VAV2: variants seen among roughly 807,000 people sequenced by gnomAD.
VAV2 encodes guanine nucleotide exchange factor VAV2.
VAV2 carries 67 observed loss-of-function variants against 132.5 expected under a neutral mutation model. The observed-to-expected ratio is 0.51, with a 90% confidence interval of 0.42 to 0.62. The LOEUF is 0.62. Ranked by LOEUF, VAV2 falls within the 20% of genes least tolerant of loss-of-function variation. The probability of loss-of-function intolerance (pLI) is 0.00; values close to 1 mark genes in which losing one functional copy is unlikely to be tolerated. For synonymous variants in VAV2, 492 were observed against 443.5 expected, an observed-to-expected ratio of 1.11 and a Z score of -1.37; for missense variants, 938 against 1,153.6, an observed-to-expected ratio of 0.81 and a Z score of 2.71.
At position 133,768,275 on chromosome 9, in the gene VAV2, C is replaced by A. The variant is rs144036868; in HGVS notation, c.2589+167G>T. ...AAACATCTGGAGCCTCGGTTTCCCC[C>A]TGTGAATGCCAACCTTCTGGGCTGC... On this transcript the variant is annotated intron_variant, in intron 29 of 29. Coordinates refer to ENST00000371850, the MANE Select transcript of VAV2 (RefSeq NM_001134398.2). This position sits in a 1 kb window ranked among gnomAD's most constrained non-coding sequence, Gnocchi z 5.3. Among the ~76,000 whole-genome samples the A allele has an allele frequency of 1.2e-3, 185 of 152,258 alleles. No homozygotes were observed. Among genetic ancestry groups the A allele is most frequent in the African/African-American group, 3.8e-3 (158 of 41,546 alleles).
At position 133,904,973 on chromosome 9, in the gene VAV2, G is replaced by A. The variant is rs1054147628; in HGVS notation, c.321+34130C>T. Among the ~76,000 whole-genome samples, 15 of 152,348 alleles carry A rather than the reference G, an allele frequency of 9.8e-5. No individual in the cohort carries two copies. In the East Asian group the frequency reaches 1.9e-3, roughly 20 times the overall value. On this transcript the variant is annotated intron_variant, in intron 2 of 29. Coordinates refer to ENST00000371850, the MANE Select transcript of VAV2 (RefSeq NM_001134398.2). ...CTGGCAGGGAGGGGATGCAGGGAGCGCTTGGGACACTGGTGAAGGGAGAGG... is the reference window on the plus strand; with the variant it reads ...CTGGCAGGGAGGGGATGCAGGGAGCACTTGGGACACTGGTGAAGGGAGAGG...
In VAV2 at chr9:133,791,925, G is replaced by T. The variant is rs1588179558; in HGVS notation, c.1102-56C>A. On this transcript the variant is annotated intron_variant, in intron 12 of 29. Transcript: ENST00000371850. The stretch of plus-strand genomic sequence containing the variant: ...TGTGCTGGGTGGGGTGTGTGTGACT[G>T]TGTGTGTAAGCAGGCTGTACTGGGT... 13 of 1,398,498 alleles carry T rather than the reference G, an allele frequency of 9.3e-6. 1 individual carries two copies. The East Asian group carries it at 2.8e-4, about 30-fold the overall frequency. The allele number at this position is 1,398,498 out of a possible 1,614,324, so 86.6% of individuals were successfully genotyped here.
intron 9 of VAV2, among the ~76,000 whole-genome samples, chr9:133,803,713 C>A (rs1307664338): frequency 6.6e-6 from 1 of 152,226 alleles, no homozygotes; most frequent in Admixed American, 6.5e-5. Flanking sequence ...GAATGCTACT[C>A]CACCCTTCAC....
At chr9:133,764,848 T>C (rs1564322557) in intron 29 of VAV2, among the ~76,000 whole-genome samples, 1 of 152,206 alleles carries the variant, frequency 6.6e-6, no homozygotes, top group Admixed American at 6.5e-5. Flanking sequence ...AGTCTGCAGA[T>C]ACTATGCTGG....
At chr9:133,851,668 A>G (rs1260982727) in intron 3 of VAV2, among the ~76,000 whole-genome samples, 1 of 95,900 alleles carries the variant, frequency 1.0e-5, no homozygotes, top group African/African-American at 7.7e-5. Flanking sequence ...AGAAGGGTGG[A>G]TGGATGGATG....
At chr9:133,825,549 A>C (rs974206122) in intron 4 of VAV2, among the ~76,000 whole-genome samples, 1 of 152,104 alleles carries the variant, frequency 6.6e-6, no homozygotes, top group Non-Finnish European at 1.5e-5. Context: ...AGCCTCTCCC[A>C]GCTCAACTCG....
chr9:133,837,762 T>C (rs756304320), intron 3 of VAV2, among the ~76,000 whole-genome samples: 20 of 151,574 alleles, frequency 1.3e-4, no homozygotes, highest in Non-Finnish European at 2.4e-4. Context: ...GCTATGATTG[T>C]CGTAATTTTC....
intron 1 of VAV2, among the ~76,000 whole-genome samples, chr9:133,941,094 G>C (rs1401573401): frequency 6.6e-6 from 1 of 152,050 alleles, no homozygotes; most frequent in African/African-American, 2.4e-5. Flanking sequence ...CTAGACACCT[G>C]TGCCCACCAA....
intron 2 of VAV2, among the ~76,000 whole-genome samples, chr9:133,887,061 GGTT>G (rs1382447908): frequency 6.6e-6 from 1 of 152,154 alleles, no homozygotes; most frequent in Non-Finnish European, 1.5e-5. Context: ...TTCCCAGAGG[GGTT>G]CCCTGGGGCT....
intron 3 of VAV2, among the ~76,000 whole-genome samples, chr9:133,838,152 C>A (rs1196940192): frequency 6.6e-6 from 1 of 152,074 alleles, no homozygotes; most frequent in East Asian, 1.9e-4. Context: ...GCCCTCCATG[C>A]CCATGCTACC....
At chr9:133,843,986 G>A (rs2131818346) in intron 3 of VAV2, among the ~76,000 whole-genome samples, 1 of 152,306 alleles carries the variant, frequency 6.6e-6, no homozygotes, top group South Asian at 2.1e-4. Flanking sequence ...AAGGCCACCA[G>A]GGGAGATGGT....
intron 2 of VAV2, among the ~76,000 whole-genome samples, chr9:133,906,090 AG>A (rs1839641812): frequency 6.6e-6 from 1 of 152,166 alleles, no homozygotes; most frequent in Admixed American, 6.5e-5. Flanking sequence ...CCTGACCCTT[AG>A]ACCTTCCAGA....
At chr9:133,984,282 T>C (rs1842786471) in intron 1 of VAV2, among the ~76,000 whole-genome samples, 1 of 111,262 alleles carries the variant, frequency 9.0e-6, no homozygotes, top group African/African-American at 3.6e-5. Flanking sequence ...TCTGTCTCTG[T>C]GTTTTGTGTG....
intron 2 of VAV2, among the ~76,000 whole-genome samples, chr9:133,889,120 T>C (rs1164341097): frequency 6.6e-6 from 1 of 152,144 alleles, no homozygotes; most frequent in Non-Finnish European, 1.5e-5. Context: ...TGCTGCCTGC[T>C]CTTCCGCCCT....
At chr9:133,839,133 T>C (rs898592827) in intron 3 of VAV2, among the ~76,000 whole-genome samples, 1 of 148,720 alleles carries the variant, frequency 6.7e-6, no homozygotes, top group Non-Finnish European at 1.5e-5. Flanking sequence ...GATGGGTAAA[T>C]GGCTGGGTTG....
rs1428639992 is a variant in VAV2, at chr9:133,770,414, C to T, written c.2311G>A (p.Glu771Lys). Residue 771 changes from glutamate (E) to lysine (K), a missense_variant, in exon 27 of 30, where the codon GAA becomes AAA. Coordinates refer to ENST00000371850, the MANE Select transcript of VAV2 (RefSeq NM_001134398.2). Reference protein sequence around the residue: ...TTLKYPYKSRERSASRASSRS... With the variant: ...TTLKYPYKSRKRSASRASSRS... The stretch of plus-strand genomic sequence containing the variant: ...CTGGAGGCCCTGGAGGCCGAACGTT[C>T]CCGGGACTTGTAGGGGTACTTGAGT... The T allele has an allele frequency of 6.2e-7, 1 of 1,614,144 alleles. No individual in the cohort carries two copies.
chr9:133,775,889 G>A, intron 24 of VAV2, 139 bp downstream of exon 24: 1 of 1,175,266 alleles, frequency 8.5e-7, no homozygotes, highest in Middle Eastern at 2.9e-4. Flanking sequence ...ACTGGGCTCA[G>A]TGCCCTGGAG....
intron 1 of VAV2, among the ~76,000 whole-genome samples, chr9:133,945,023 C>CTG (rs1564488414): frequency 6.6e-6 from 1 of 152,212 alleles, no homozygotes; most frequent in Non-Finnish European, 1.5e-5. Flanking sequence ...AGGCCAGGCA[C>CTG]TGGGCTAAGA....
intron 20 of VAV2, 142 bp from the exon 21 acceptor site, chr9:133,780,081 CTG>C: frequency 8.6e-7 from 1 of 1,160,076 alleles, no homozygotes. Flanking sequence ...GAGAGGGACA[CTG>C]TTCCCTATGG....
Sources: gnomAD v4.1 joint callset for allele counts (sites outside exome capture counted in the v4.1 genomes callset) on GRCh38, gnomAD v4.1.1 for gene constraint, Gnocchi (gnomAD v3.1) non-coding constraint, MANE v1.5 for transcripts, NCBI Gene and HGNC (gene_info 2026-07-23, HGNC 2026-07-21) for gene names.